The following GANAB variants were observed in gnomAD, a reference collection of about 807,000 sequenced individuals.
GANAB encodes the protein neutral alpha-glucosidase AB.
A neutral mutation model predicts 129.9 loss-of-function variants in GANAB; 35 were observed. The observed-to-expected ratio is 0.27, with a 90% confidence interval of 0.21 to 0.36. GANAB has a LOEUF of 0.36. GANAB is among the 10% of genes least tolerant of loss of function. The pLI is 1.00. For missense variants in GANAB, 939 were observed against 1,221.0 expected (o/e 0.77, Z 3.44); for synonymous variants, 482 against 451.8 (o/e 1.07, Z -0.85).
chr11:62,642,304 C>G (rs1944306001), intron 1 of GANAB, among the ~76,000 whole-genome samples: 3 of 152,136 alleles, frequency 2.0e-5, no homozygotes, highest in Admixed American at 2.0e-4. Context: ...GTCCTCCCAT[C>G]TTGGCCTCCC....
At chr11:62,644,628 AAATT>A (rs1459968621) in intron 1 of GANAB, among the ~76,000 whole-genome samples, 3 of 152,200 alleles carry the variant, frequency 2.0e-5, no homozygotes, top group South Asian at 2.1e-4. Flanking sequence ...TCAAAAAAGT[AAATT>A]AATTAAGACT....
rs1371812840 is a variant in GANAB at position 62,629,011 on chromosome 11, C to T, written c.1938G>A (p.Ala646=). Residue 646 remains alanine, a splice_region_variant and synonymous_variant, in exon 17 of 24, where the codon GCG becomes GCA. Coordinates refer to ENST00000356638, the MANE Select transcript of GANAB (RefSeq NM_198334.3). ...GGTTTTTGAAGAAGCCACCCACATC[C>T]GCTGGTAGAGGAGAGAGAGGAAGCA... is the stretch of plus-strand genomic sequence containing the variant. ...LGLVGLSFCG[A]DVGGFFKNPE... is the part of the protein sequence containing the mutation. 3.1e-6 allele frequency: 5 copies of T among 1,612,098 alleles called. No individual in the cohort carries two copies. Among genetic ancestry groups the T allele is most frequent in the Non-Finnish European group, 4.2e-6 (5 of 1,178,418 alleles).
chr11:62,627,637 C>CT (rs1191040144), intron 17 of GANAB, among the ~76,000 whole-genome samples: 2 of 152,090 alleles, frequency 1.3e-5, no homozygotes, highest in Non-Finnish European at 2.9e-5. Flanking sequence ...GAGGCTGAGG[C>CT]TGGAGAATCA....
Position 62,633,432 on chromosome 11 carries a change from C to CACAAG in GANAB, c.630+12_630+13insCTTGT. Reference sequence around the variant, plus strand: ...CAGCCCTATCCTCCAACCACCCACCCGCTCCAACTTGCCTTGTCGCCATCC... The same window carrying CACAAG: ...CAGCCCTATCCTCCAACCACCCACCCACAAGGCTCCAACTTGCCTTGTCGCCATCC... On this transcript the variant is annotated intron_variant, in intron 6 of 23. Transcript: ENST00000356638. The CACAAG allele has an allele frequency of 6.2e-7, 1 of 1,613,506 alleles. No individual in the cohort carries two copies. Among genetic ancestry groups the CACAAG allele is most frequent in the Non-Finnish European group, 8.5e-7 (1 of 1,179,676 alleles).
intron 5 of GANAB, chr11:62,634,239 C>T (rs1339865417): frequency 9.8e-7 from 1 of 1,015,722 alleles, no homozygotes; most frequent in Non-Finnish European, 1.6e-6. Context: ...GGGGCACCTC[C>T]CCCCAAAGGC....
rs1049118732 is a variant in GANAB, at chr11:62,639,081, A to C, written c.282T>G (p.Leu94=). The change falls in exon 4 of 24, where the codon CTT becomes CTG. Residue 94 remains leucine (L), a synonymous_variant. Transcript: ENST00000356638. ...TCCTGAACCGAGTCATGTTCTTTTG[A>C]AGCCCCTGAAGCTCTAGCACCAGCA... ...KVLLVLELQG[L]QKNMTRFRID... The C allele has an allele frequency of 6.2e-7, 1 of 1,614,084 alleles. No homozygotes were observed. The highest frequency in any genetic ancestry group is 8.5e-7 in the Non-Finnish European group (1 of 1,179,990).
intron 5 of GANAB, chr11:62,634,265 G>A: frequency 7.6e-7 from 1 of 1,314,570 alleles, no homozygotes; most frequent in East Asian, 2.3e-5. Flanking sequence ...TGAGGAATGG[G>A]TAAGGGCAGA....
chr11:62,643,332 T>C (rs1944346592), intron 1 of GANAB, among the ~76,000 whole-genome samples: 2 of 152,018 alleles, frequency 1.3e-5, no homozygotes, highest in African/African-American at 4.8e-5. Flanking sequence ...CGAAACTCCA[T>C]CTCTACTAAA....
rs770321873 is a variant in GANAB at position 62,625,295 on chromosome 11, G to T, written c.*520C>A. On this transcript the variant is annotated 3_prime_UTR_variant, in exon 24 of 24. Coordinates refer to ENST00000356638, the MANE Select transcript of GANAB (RefSeq NM_198334.3). ...CCTTTGATCCATTCATCCTGTCCGG[G>T]GTAAGGGGTGGTCCCAGTGTATCGG... The T allele has an allele frequency of 2.3e-4, 105 of 456,384 alleles. 1 individual carries two copies. In the Middle Eastern group the frequency reaches 2.3e-3, roughly 10 times the overall value. 28.3% of individuals were successfully genotyped at this position (456,384 alleles called of 1,614,324 possible). A position where few individuals can be genotyped will look rare whatever the true frequency, so the allele number is the denominator to read the frequency against.
rs1565099254 is a variant in GANAB, at chr11:62,633,108, GA to G, written c.719-8del. 3.1e-6 allele frequency: 5 copies of G among 1,609,364 alleles called. No homozygotes were observed. The South Asian group carries it at 5.5e-5, about 18-fold the overall frequency. On this transcript the variant is annotated splice_polypyrimidine_tract_variant and splice_region_variant and intron_variant, in intron 7 of 23. Coordinates refer to ENST00000356638, the MANE Select transcript of GANAB (RefSeq NM_198334.3). Reference sequence around the variant, plus strand: ...AAACCCACAGACATGGGGCCTGGAAGAAAAACAAACAAGCTTCAGAGCTTCT... The same window carrying G: ...AAACCCACAGACATGGGGCCTGGAAGAAAACAAACAAGCTTCAGAGCTTCT...
intron 1 of GANAB, 24 bp downstream of exon 1, chr11:62,646,538 G>A (rs1196402828): frequency 1.9e-6 from 3 of 1,612,342 alleles, no homozygotes; most frequent in Non-Finnish European, 2.5e-6. Context: ...TCCCGGGCGC[G>A]CCCCCAGATT....
intron 17 of GANAB, among the ~76,000 whole-genome samples, chr11:62,627,917 T>C (rs928012883): frequency 4.6e-5 from 7 of 152,214 alleles, no homozygotes; most frequent in Admixed American, 3.3e-4. Context: ...AGCCTGCCAG[T>C]AGCCTCCTTG....
intron 4 of GANAB, among the ~76,000 whole-genome samples, chr11:62,636,554 T>C (rs1163544847): frequency 6.7e-6 from 1 of 150,054 alleles, no homozygotes; most frequent in Non-Finnish European, 1.5e-5. Context: ...TGGTGGCTCA[T>C]TCCTGTAATC....
At chr11:62,635,882 G>A (rs987381879) in intron 4 of GANAB, among the ~76,000 whole-genome samples, 17 of 151,732 alleles carry the variant, frequency 1.1e-4, no homozygotes, top group African/African-American at 2.4e-4. Context: ...CACTTGCCTC[G>A]GCCTCCCAAA....
At position 62,630,658 on chromosome 11, in the gene GANAB, G is replaced by C; in HGVS notation, c.1329C>G (p.Pro443=). The C allele has an allele frequency of 6.2e-7, 1 of 1,614,200 alleles. No homozygotes were observed. Among genetic ancestry groups the C allele is most frequent in the African/African-American group, 1.3e-5 (1 of 75,054 alleles). The part of the protein sequence containing the change: ...ADGKRYFTWD[P]SRFPQPRTML... ...TGGTGCGGGGCTGAGGGAAGCGACT[G>C]GGGTCCCAGGTGAAATACCGCTTGC... The change falls in exon 11 of 24, where the codon CCC becomes CCG. Residue 443 remains proline (P), a synonymous_variant. Coordinates refer to ENST00000356638, the MANE Select transcript of GANAB (RefSeq NM_198334.3).
chr11:62,626,427 G>C lies in GANAB; in HGVS notation c.2532C>G (p.Leu844=). Residue 844 remains leucine, a synonymous_variant, in exon 22 of 24, where the codon CTC becomes CTG. Coordinates refer to ENST00000356638, the MANE Select transcript of GANAB (RefSeq NM_198334.3). Reference sequence around the variant, plus strand: ...TGAACGTGTGCCCATCATCCAGAAAGAGCTCTCCTTGAGCTGTACCCTGAG... The same window carrying C: ...TGAACGTGTGCCCATCATCCAGAAACAGCTCTCCTTGAGCTGTACCCTGAG... ...LSPQGTAQGE[L]FLDDGHTFNY... 1 of 1,612,520 alleles carries C rather than the reference G, an allele frequency of 6.2e-7. No individual in the cohort carries two copies. Among genetic ancestry groups the C allele is most frequent in the Non-Finnish European group, 8.5e-7 (1 of 1,178,540 alleles).
In GANAB at chr11:62,630,513, C is replaced by T. The variant is rs1261003169; in HGVS notation, c.1387-8G>A. ...GTCTACGATGGCCACCAGCTGGGGGCAAGGAACAGGGGTGTTCAGGTCTCT... is the reference window on the plus strand; with the variant it reads ...GTCTACGATGGCCACCAGCTGGGGGTAAGGAACAGGGGTGTTCAGGTCTCT... On this transcript the variant is annotated splice_region_variant and splice_polypyrimidine_tract_variant and intron_variant, in intron 11 of 23. Transcript: ENST00000356638. 1.2e-6 allele frequency: 2 copies of T among 1,614,046 alleles called. No homozygotes were observed. Among genetic ancestry groups the T allele is most frequent in the Middle Eastern group, 1.6e-4 (1 of 6,084 alleles).
intron 5 of GANAB, chr11:62,634,077 G>A (rs945881117): frequency 4.1e-6 from 2 of 485,076 alleles, no homozygotes; most frequent in Admixed American, 7.4e-5. Flanking sequence ...TCCATCCCCT[G>A]GCAAAGCAAT....
At position 62,630,286 on chromosome 11, in the gene GANAB, G is replaced by A. The variant is rs745869143; in HGVS notation, c.1514-10C>T. On this transcript the variant is annotated splice_polypyrimidine_tract_variant and intron_variant, in intron 12 of 23. Transcript: ENST00000356638. ...GGGTAACCAGCTGAGCCTGGGAGAA[G>A]TTAAGGGTGGCTCTCAATCCCCTAA... The A allele has an allele frequency of 1.4e-5, 22 of 1,613,046 alleles. No individual in the cohort carries two copies. In the South Asian group the frequency reaches 1.9e-4, roughly 14 times the overall value.
Sources: allele counts gnomAD v4.1 joint callset (sites outside exome capture counted in the v4.1 genomes callset), GRCh38; gene constraint gnomAD v4.1.1; transcripts MANE v1.5; gene names NCBI Gene and HGNC (gene_info 2026-07-23, HGNC 2026-07-21).